The following PAPSS1 variants were observed in gnomAD, a reference collection of about 807,000 sequenced individuals.
PAPSS1 encodes the protein bifunctional 3'-phosphoadenosine 5'-phosphosulfate synthase 1.
PAPSS1 carries 50 observed loss-of-function variants against 72.0 expected under a neutral mutation model. The observed-to-expected ratio is 0.69, with a 90% CI of 0.55 to 0.88. PAPSS1 has a LOEUF of 0.88. PAPSS1 is among the 40% of genes least tolerant of loss of function. The pLI is 0.00. For synonymous variants in PAPSS1, 261 were observed against 263.6 expected (o/e 0.99, Z 0.09); for missense variants, 657 against 782.2 (o/e 0.84, Z 1.91).
At chr4:107,614,966 T>C (rs1040182697) in intron 11 of PAPSS1, among the ~76,000 whole-genome samples, 30 of 33,548 alleles carry the variant, frequency 8.9e-4, no homozygotes, top group Middle Eastern at 0.024. Context: ...AATCTAAAAC[T>C]AGATTTTTTT....
intron 5 of PAPSS1, among the ~76,000 whole-genome samples, chr4:107,669,636 T>C (rs560384711): frequency 7.2e-5 from 11 of 152,198 alleles, no homozygotes; most frequent in Non-Finnish European, 1.6e-4. Flanking sequence ...AACAGAGAAA[T>C]ATGCGTGCTT....
Position 107,687,157 on chromosome 4 carries a change from T to C in PAPSS1, c.432A>G (p.Gln144=). 1 of 1,583,260 alleles carries C rather than the reference T, an allele frequency of 6.3e-7. No homozygotes were observed. Among genetic ancestry groups the C allele is most frequent in the Non-Finnish European group, 8.5e-7 (1 of 1,170,470 alleles). ...ACGGTAAACTTGCACCTTCATGAATTTGCCTTGCATTGTTGCGATCCTTAA... is the reference window on the plus strand; with the variant it reads ...ACGGTAAACTTGCACCTTCATGAATCTGCCTTGCATTGTTGCGATCCTTAA... ...PYTQDRNNAR[Q]IHEGASLPFF... Residue 144 remains glutamine (Q), a synonymous_variant, in exon 4 of 12, where the codon CAA becomes CAG. Transcript: ENST00000265174.
chr4:107,623,387 C>T (rs1726018723), intron 11 of PAPSS1, among the ~76,000 whole-genome samples: 2 of 152,082 alleles, frequency 1.3e-5, no homozygotes, highest in Admixed American at 1.3e-4. Context: ...AAGTCGAGAC[C>T]TAGGACACTG....
At chr4:107,661,913 C>G (rs1727192655) in intron 5 of PAPSS1, among the ~76,000 whole-genome samples, 1 of 152,176 alleles carries the variant, frequency 6.6e-6, no homozygotes, top group Non-Finnish European at 1.5e-5. Flanking sequence ...AATCTAAGAA[C>G]TATTCTCTTA....
At position 107,631,620 on chromosome 4, in the gene PAPSS1, G is replaced by GT. The variant is rs769985323; in HGVS notation, c.1736+10dup. ...TACTTCAAAGATTTGTACAGAGAAT[G>GT]TAAGACTTACTGTTCAGAGTCATAG... is the stretch of plus-strand genomic sequence containing the variant. On this transcript the variant is annotated intron_variant, in intron 11 of 11. Coordinates refer to ENST00000265174, the MANE Select transcript of PAPSS1 (RefSeq NM_005443.5). 64 of 1,577,856 alleles carry GT rather than the reference G, an allele frequency of 4.1e-5. No homozygotes were observed. Among genetic ancestry groups the GT allele is most frequent in the Non-Finnish European group, 5.3e-5 (61 of 1,148,066 alleles).
At chr4:107,664,290 G>A (rs1727261096) in intron 5 of PAPSS1, among the ~76,000 whole-genome samples, 1 of 152,150 alleles carries the variant, frequency 6.6e-6, no homozygotes. Flanking sequence ...GATGGGGCTT[G>A]ACTACTCTCC....
At chr4:107,659,359 G>A (rs1041723693) in intron 6 of PAPSS1, among the ~76,000 whole-genome samples, 2 of 152,128 alleles carry the variant, frequency 1.3e-5, no homozygotes, top group South Asian at 2.1e-4. Flanking sequence ...AAGAAAGGAT[G>A]GGGAATCTAA....
chr4:107,713,702 G>C (rs1226867224), intron 1 of PAPSS1, among the ~76,000 whole-genome samples: 3 of 150,120 alleles, frequency 2.0e-5, no homozygotes, highest in Non-Finnish European at 2.9e-5. Flanking sequence ...AGGTTGCCGT[G>C]AGCCAAGGTC....
chr4:107,639,527 C>T (rs1270981769), intron 10 of PAPSS1, among the ~76,000 whole-genome samples: 1 of 152,184 alleles, frequency 6.6e-6, no homozygotes, highest in South Asian at 2.1e-4. Context: ...TATGGGGGTA[C>T]CATCCCAGAC....
chr4:107,669,963 A>G (rs1727426711), intron 5 of PAPSS1, among the ~76,000 whole-genome samples: 1 of 152,252 alleles, frequency 6.6e-6, no homozygotes, highest in African/African-American at 2.4e-5. Flanking sequence ...TCCATGAACA[A>G]GTTTCTTCAT....
chr4:107,680,095 T>C (rs541398107), intron 5 of PAPSS1, among the ~76,000 whole-genome samples: 68 of 152,118 alleles, frequency 4.5e-4, no homozygotes, highest in African/African-American at 1.5e-3. Flanking sequence ...TTATTCAACA[T>C]ATGTGTAACT....
intron 1 of PAPSS1, among the ~76,000 whole-genome samples, chr4:107,717,116 ATTAAT>A (rs1430202592): frequency 6.6e-6 from 1 of 152,010 alleles, no homozygotes; most frequent in East Asian, 1.9e-4. Context: ...ATAACTCTTT[ATTAAT>A]TATGATAGTG....
chr4:107,673,131 G>A (rs911944275), intron 5 of PAPSS1, among the ~76,000 whole-genome samples: 4 of 152,156 alleles, frequency 2.6e-5, no homozygotes, highest in Non-Finnish European at 5.9e-5. Flanking sequence ...CAGAAAAATT[G>A]GAAACTCTAA....
chr4:107,671,470 G>T (rs1344346729), intron 5 of PAPSS1, among the ~76,000 whole-genome samples: 1 of 151,994 alleles, frequency 6.6e-6, no homozygotes, highest in Non-Finnish European at 1.5e-5. Context: ...CCATATACAT[G>T]TCTGAAGTAT....
chr4:107,688,009 G>A (rs1223445883), intron 3 of PAPSS1, among the ~76,000 whole-genome samples: 1 of 149,700 alleles, frequency 6.7e-6, no homozygotes, highest in Non-Finnish European at 1.5e-5. Flanking sequence ...CCAAGAATAA[G>A]CTCTCAATCT....
At chr4:107,694,265 C>T (rs191957333) in intron 2 of PAPSS1, 8 of 396,238 alleles carry the variant, frequency 2.0e-5, no homozygotes, top group East Asian at 4.3e-5. Flanking sequence ...CAATATGTTG[C>T]GCCAGCTGGT....
At chr4:107,663,465 T>C (rs939464555) in intron 5 of PAPSS1, among the ~76,000 whole-genome samples, 2 of 152,182 alleles carry the variant, frequency 1.3e-5, no homozygotes, top group East Asian at 3.9e-4. Context: ...TGGAGGATAA[T>C]ATTAGTGAGA....
rs149999753 is a variant in PAPSS1, at chr4:107,652,021, G to A, written c.1237+1470C>T. 4.1e-3 allele frequency among the ~76,000 whole-genome samples: 629 copies of A among 152,164 alleles called. 9 individuals are homozygous for A. Among genetic ancestry groups the A allele is most frequent in the African/African-American group, 0.014 (586 of 41,514 alleles). On this transcript the variant is annotated intron_variant, in intron 9 of 11. Coordinates refer to ENST00000265174, the MANE Select transcript of PAPSS1 (RefSeq NM_005443.5). ...TACCAGGAGCATTCTGGAGTTCACC[G>A]ACACTAAGACAAACACAAATGAAAT...
intron 5 of PAPSS1, among the ~76,000 whole-genome samples, chr4:107,663,374 TA>T (rs1341780813): frequency 2.6e-5 from 4 of 151,912 alleles, no homozygotes; most frequent in African/African-American, 7.3e-5. Flanking sequence ...CCCAGTTGTT[TA>T]AAAAAAAGTA....
Sources: allele counts gnomAD v4.1 joint callset (sites outside exome capture counted in the v4.1 genomes callset), GRCh38; gene constraint gnomAD v4.1.1; transcripts MANE v1.5; gene names NCBI Gene and HGNC (gene_info 2026-07-23, HGNC 2026-07-21).